The following MAPK6 variants were observed in gnomAD, a reference collection of about 807,000 sequenced individuals.
MAPK6 encodes the protein ERK-3.
MAPK6 carries 19 observed loss-of-function variants against 59.3 expected under a neutral mutation model. The observed-to-expected ratio is 0.32, with a 90% confidence interval of 0.22 to 0.47. MAPK6 has a LOEUF of 0.47. MAPK6 is among the 20% of genes least tolerant of loss of function. The pLI is 1.00. For missense variants in MAPK6, 724 were observed against 847.9 expected (o/e 0.85, Z 1.81); for synonymous variants, 316 against 290.3 (o/e 1.09, Z -0.90).
chr15:51,972,260 T>C (rs1409832056), intron 1 of MAPK6, among the ~76,000 whole-genome samples: 1 of 152,094 alleles, frequency 6.6e-6, no homozygotes, highest in African/African-American at 2.4e-5. Context: ...TTCCTCAGCC[T>C]CCCGAGTAGC....
At chr15:51,972,367 G>C (rs1024617744) in intron 1 of MAPK6, among the ~76,000 whole-genome samples, 11 of 151,818 alleles carry the variant, frequency 7.2e-5, no homozygotes, top group Admixed American at 2.0e-4. Context: ...GCAAACTCAG[G>C]AGCTCAGGCA....
chr15:52,055,509 G>C (rs1282214943), intron 3 of MAPK6, among the ~76,000 whole-genome samples: 2 of 152,026 alleles, frequency 1.3e-5, no homozygotes, highest in Non-Finnish European at 2.9e-5. Flanking sequence ...ATTATACAAA[G>C]GGTTTTTTTG....
intron 3 of MAPK6, among the ~76,000 whole-genome samples, chr15:52,013,635 A>C (rs1460712063): frequency 6.6e-6 from 1 of 152,160 alleles, no homozygotes; most frequent in Non-Finnish European, 1.5e-5. Flanking sequence ...AGGTACAATA[A>C]CCATCTGAAT....
intron 2 of MAPK6, among the ~76,000 whole-genome samples, chr15:51,985,938 A>T (rs576540165): frequency 1.3e-5 from 2 of 151,746 alleles, no homozygotes; most frequent in South Asian, 4.1e-4. Flanking sequence ...AGCCTGGGCG[A>T]CAGAGTGAGA....
intron 3 of MAPK6, among the ~76,000 whole-genome samples, chr15:52,057,669 C>T (rs2032035296): frequency 6.6e-6 from 1 of 152,134 alleles, no homozygotes; most frequent in South Asian, 2.1e-4. Flanking sequence ...TTCAGCCTCC[C>T]AAGTAGCTGG....
intron 1 of MAPK6, among the ~76,000 whole-genome samples, chr15:51,973,485 G>A (rs529997617): frequency 6.6e-6 from 1 of 152,048 alleles, no homozygotes; most frequent in African/African-American, 2.4e-5. Flanking sequence ...GGGATTACAA[G>A]TATGGGCCAC....
chr15:52,060,758 G>C (rs1321526891), intron 4 of MAPK6, among the ~76,000 whole-genome samples: 6 of 152,204 alleles, frequency 3.9e-5, no homozygotes, highest in African/African-American at 1.4e-4. Context: ...ATGTGAAGCA[G>C]AGATCAAGAA....
chr15:52,058,149 TTC>T (rs1171690947), intron 3 of MAPK6, among the ~76,000 whole-genome samples: 1 of 152,252 alleles, frequency 6.6e-6, no homozygotes, highest in Admixed American at 6.5e-5. Flanking sequence ...CCCCCTTTAT[TTC>T]TTTCATTGCC....
chr15:52,024,402 C>A (rs969617268), intron 1 of MAPK6, among the ~76,000 whole-genome samples: 2 of 139,264 alleles, frequency 1.4e-5, no homozygotes, highest in Non-Finnish European at 3.2e-5. Flanking sequence ...TTTTCTTTTT[C>A]TTTTTTTTTT....
At chr15:52,021,801 TTATA>T (rs1337951701) in intron 1 of MAPK6, among the ~76,000 whole-genome samples, 1 of 152,202 alleles carries the variant, frequency 6.6e-6, no homozygotes, top group Non-Finnish European at 1.5e-5. Flanking sequence ...TAAAACATAA[TTATA>T]TATTGTGCTT....
chr15:52,051,347 C>A (rs781748542), intron 3 of MAPK6, among the ~76,000 whole-genome samples: 19 of 152,080 alleles, frequency 1.2e-4, no homozygotes, highest in Admixed American at 5.2e-4. Flanking sequence ...GTGAGCCACC[C>A]CACCAGGCCC....
chr15:52,019,772 G>C (rs912898756), intron 1 of MAPK6: 2 of 152,156 alleles, frequency 1.3e-5, no homozygotes, highest in African/African-American at 4.8e-5. Context: ...GGCTCCGCGG[G>C]TTCGAAACCC....
At chr15:52,030,348 A>G (rs1194113589) in intron 1 of MAPK6, among the ~76,000 whole-genome samples, 2 of 152,230 alleles carry the variant, frequency 1.3e-5, no homozygotes, top group African/African-American at 2.4e-5. Context: ...ATTGTCAAAC[A>G]GTGCCTGGCA....
intron 3 of MAPK6, among the ~76,000 whole-genome samples, chr15:52,057,552 T>C (rs941175545): frequency 4.0e-4 from 12 of 29,760 alleles, no homozygotes; most frequent in African/African-American, 1.2e-3. Flanking sequence ...AGGCCTTCCT[T>C]TGTCTCAAAA....
At chr15:52,037,838 A>G (rs534019556) in intron 1 of MAPK6, among the ~76,000 whole-genome samples, 1 of 152,280 alleles carries the variant, frequency 6.6e-6, no homozygotes, top group East Asian at 1.9e-4. Flanking sequence ...ATTTACATTG[A>G]TTCATTCAGT....
At chr15:52,053,534 A>G (rs914496388) in intron 3 of MAPK6, among the ~76,000 whole-genome samples, 2 of 151,592 alleles carry the variant, frequency 1.3e-5, no homozygotes, top group Admixed American at 1.3e-4. Flanking sequence ...ATTTACATGT[A>G]TTTTCTCCTA....
At chr15:51,983,411 G>A (rs1420723467) in intron 2 of MAPK6, among the ~76,000 whole-genome samples, 33 of 152,038 alleles carry the variant, frequency 2.2e-4, no homozygotes, top group Admixed American at 3.9e-4. Flanking sequence ...CCCAGGAGGC[G>A]GAGGATGCAG....
In MAPK6 at chr15:51,997,590, C is replaced by A. The variant is rs28894793; in HGVS notation, c.-769-6675C>A. Among the ~76,000 whole-genome samples the A allele has an allele frequency of 7.7e-3, 1,046 of 135,062 alleles. 17 individuals carry two copies. The highest frequency in any genetic ancestry group is 0.028 in the African/African-American group (1,009 of 36,258). 88.6% of individuals were successfully genotyped at this position (135,062 alleles called of 152,430 possible). ...ATTTTTAAAGTTATTTTCTTTCTTT[C>A]TTTTTTTTTTTTTTTTTGAGATGGA... On this transcript the variant is annotated intron_variant, in intron 2 of 7. Transcript: ENST00000691380.
intron 3 of MAPK6, among the ~76,000 whole-genome samples, chr15:52,057,673 T>G (rs1425565105): frequency 6.6e-6 from 1 of 152,194 alleles, no homozygotes; most frequent in Non-Finnish European, 1.5e-5. Flanking sequence ...GCCTCCCAAG[T>G]AGCTGGAACT....
Sources: gnomAD v4.1 joint callset for allele counts (sites outside exome capture counted in the v4.1 genomes callset) on GRCh38, gnomAD v4.1.1 for gene constraint, MANE v1.5 for transcripts, NCBI Gene and HGNC (gene_info 2026-07-23, HGNC 2026-07-21) for gene names.